The following CACNB2 variants were observed in gnomAD, a reference collection of about 807,000 sequenced individuals.
CACNB2 encodes calcium voltage-gated channel auxiliary subunit beta 2, also known as voltage-dependent L-type calcium channel subunit beta-2.
Under a neutral mutation model 73.3 loss-of-function variants are expected in CACNB2, and 42 were observed. The observed-to-expected ratio is 0.57, with a 90% CI of 0.45 to 0.74. The LOEUF (loss-of-function observed/expected upper bound fraction) is 0.74. Among genes scored for constraint, CACNB2 ranks in the 30% least tolerant of loss-of-function variants. The pLI is 0.00. For missense variants in CACNB2, 940 were observed against 853.0 expected (o/e 1.10, Z -1.27); for synonymous variants, 348 against 310.3 (o/e 1.12, Z -1.28).
At chr10:18,358,137 A>G (rs1451479327) in intron 2 of CACNB2, among the ~76,000 whole-genome samples, 1 of 152,228 alleles carries the variant, frequency 6.6e-6, no homozygotes, top group Non-Finnish European at 1.5e-5. Context: ...CCCAAGCTAG[A>G]GGGCAGTGGC....
At chr10:18,435,936 C>T (rs919123790) in intron 3 of CACNB2, among the ~76,000 whole-genome samples, 6 of 152,158 alleles carry the variant, frequency 3.9e-5, no homozygotes, top group African/African-American at 1.4e-4. Flanking sequence ...CTTTGGAGGG[C>T]CCAGAGCATC....
At chr10:18,481,247 T>A (rs1325083434) in intron 3 of CACNB2, among the ~76,000 whole-genome samples, 1 of 88,830 alleles carries the variant, frequency 1.1e-5, no homozygotes, top group South Asian at 4.5e-4. Context: ...TTTTTTTTTT[T>A]TTTTTTTTTT....
chr10:18,436,376 T>C (rs2046138361), intron 3 of CACNB2, among the ~76,000 whole-genome samples: 1 of 152,244 alleles, frequency 6.6e-6, no homozygotes, highest in Non-Finnish European at 1.5e-5. Context: ...AGTCTGTTCA[T>C]GGAGAACAAA....
intron 2 of CACNB2, among the ~76,000 whole-genome samples, chr10:18,383,080 A>G (rs1336665537): frequency 2.0e-5 from 3 of 152,160 alleles, no homozygotes; most frequent in African/African-American, 7.2e-5. Context: ...ATGTGACAAA[A>G]TCCATGGAAC....
intron 2 of CACNB2, among the ~76,000 whole-genome samples, chr10:18,362,888 G>A (rs1430960130): frequency 6.7e-6 from 1 of 150,180 alleles, no homozygotes; most frequent in Non-Finnish European, 1.5e-5. Context: ...CAGCGTGGGC[G>A]ACAGAGTGAA....
intron 3 of CACNB2, among the ~76,000 whole-genome samples, chr10:18,484,119 C>T (rs754340680): frequency 9.9e-5 from 15 of 152,140 alleles, no homozygotes; most frequent in Non-Finnish European, 2.1e-4. Context: ...CAAGGCCAGG[C>T]ACAGTGGCTC....
intron 5 of CACNB2, among the ~76,000 whole-genome samples, chr10:18,505,293 T>TA (rs2050429505): frequency 6.6e-6 from 1 of 151,666 alleles, no homozygotes; most frequent in South Asian, 2.1e-4. Context: ...GTCTTGGTAA[T>TA]AGGTCCTTGT....
chr10:18,150,880 T>TTTTTTTTTTTTTTTTTTTTTTTG lies in CACNB2; in HGVS notation c.121-3_121-2insTTTTTTTTTTTTTTTTTTTTTTG. The stretch of plus-strand genomic sequence containing the variant: ...CTTTTTTTTTTTTTTTTTTTTTTTT[T>TTTTTTTTTTTTTTTTTTTTTTTG]AGTCATATGGAAAAGGAGCCAGAAG... On this transcript the variant is annotated splice_polypyrimidine_tract_variant and splice_region_variant and intron_variant, in intron 1 of 13. Coordinates refer to ENST00000324631, the MANE Select transcript of CACNB2 (RefSeq NM_201596.3). 1 of 1,300,366 alleles carries TTTTTTTTTTTTTTTTTTTTTTTG rather than the reference T, an allele frequency of 7.7e-7. No individual in the cohort carries two copies. The highest frequency in any genetic ancestry group is 1.1e-6 in the Non-Finnish European group (1 of 943,298). The allele number at this position is 1,300,366 out of a possible 1,614,324, so 80.6% of individuals were successfully genotyped here.
intron 2 of CACNB2, among the ~76,000 whole-genome samples, chr10:18,178,771 G>T (rs1388430202): frequency 6.6e-6 from 1 of 152,204 alleles, no homozygotes; most frequent in Non-Finnish European, 1.5e-5. Context: ...TTGCCATGGG[G>T]ATGGAGACTG....
intron 9 of CACNB2, among the ~76,000 whole-genome samples, chr10:18,523,377 C>T (rs556685359): frequency 5.5e-4 from 84 of 152,344 alleles, no homozygotes; most frequent in African/African-American, 1.9e-3. Context: ...TTGGAAGACA[C>T]ATTCCAGCCA....
Position 18,540,706 on chromosome 10 carries a change from C to T in CACNB2, c.*982C>T, listed in dbSNP as rs912578259. 1.3e-5 allele frequency: 2 copies of T among 152,574 alleles called. No homozygotes were observed. Among genetic ancestry groups the T allele is most frequent in the Admixed American group, 6.5e-5 (1 of 15,270 alleles). 9.5% of individuals were successfully genotyped at this position (152,574 alleles called of 1,614,324 possible). ...GCACTGGAGTCTACGAGCCGGAACT[C>T]GCTATATGCACGTGTGTGTGTCCGT... On this transcript the variant is annotated 3_prime_UTR_variant, in exon 14 of 14. Coordinates refer to ENST00000324631, the MANE Select transcript of CACNB2 (RefSeq NM_201596.3).
Position 18,173,762 on chromosome 10 carries a change from T to A in CACNB2, c.213+22787T>A, listed in dbSNP as rs550210049. Among the ~76,000 whole-genome samples the A allele has an allele frequency of 4.4e-4, 67 of 152,322 alleles. 1 individual carries two copies. The South Asian group carries it at 0.013, about 30-fold the overall frequency. On this transcript the variant is annotated intron_variant, in intron 2 of 13. Coordinates refer to ENST00000324631, the MANE Select transcript of CACNB2 (RefSeq NM_201596.3). ...CCTAAAAGGCCCAGGACATTGTATG[T>A]TTTGTTGATATTAAGTTTGTATCTG...
intron 2 of CACNB2, among the ~76,000 whole-genome samples, chr10:18,273,728 A>T (rs891950686): frequency 6.6e-5 from 10 of 152,182 alleles, no homozygotes; most frequent in Admixed American, 5.9e-4. Flanking sequence ...TGGCAAAAAG[A>T]TTTTACTCAG....
rs766681274 is a variant in CACNB2 at position 18,539,213 on chromosome 10, G to T, written c.1489-17G>T. On this transcript the variant is annotated splice_polypyrimidine_tract_variant and intron_variant, in intron 13 of 13. Coordinates refer to ENST00000324631, the MANE Select transcript of CACNB2 (RefSeq NM_201596.3). The stretch of plus-strand genomic sequence containing the variant: ...ACTGACCTTGGTTAACGCCTGGTGT[G>T]CTCCTTTCGCTGCCAGGGTTCTCAA... The T allele has an allele frequency of 3.7e-6, 6 of 1,613,800 alleles. No homozygotes were observed. The African/African-American group carries it at 6.7e-5, about 18-fold the overall frequency.
At chr10:18,505,683 A>T (rs565244352) in intron 5 of CACNB2, among the ~76,000 whole-genome samples, 1 of 152,260 alleles carries the variant, frequency 6.6e-6, no homozygotes, top group South Asian at 2.1e-4. Flanking sequence ...CATCTGAGAG[A>T]GGGGTCATTC....
chr10:18,154,687 C>A (rs10828276), intron 2 of CACNB2, among the ~76,000 whole-genome samples: 10,582 of 152,210 alleles, frequency 0.07, 384 homozygotes, highest in South Asian at 0.089. Context: ...AGGCTGGTCT[C>A]AAACTCCTGA....
At chr10:18,409,031 ATT>A (rs112797625) in intron 3 of CACNB2, among the ~76,000 whole-genome samples, 1 of 151,510 alleles carries the variant, frequency 6.6e-6, no homozygotes, top group Admixed American at 6.6e-5. Flanking sequence ...ATTTTTTAAA[ATT>A]TTTTTTGTAA....
intron 3 of CACNB2, among the ~76,000 whole-genome samples, chr10:18,476,746 C>T (rs1335780818): frequency 6.6e-6 from 1 of 152,188 alleles, no homozygotes; most frequent in Non-Finnish European, 1.5e-5. Context: ...AGCATGGTAG[C>T]TTATGCCTGT....
intron 3 of CACNB2, among the ~76,000 whole-genome samples, chr10:18,492,585 C>T (rs904530394): frequency 2.3e-5 from 3 of 129,774 alleles, no homozygotes; most frequent in Non-Finnish European, 4.6e-5. Context: ...CGCACCACTT[C>T]ACTCCAGCCT....
Sources: gnomAD v4.1 joint callset for allele counts (sites outside exome capture counted in the v4.1 genomes callset) on GRCh38, gnomAD v4.1.1 for gene constraint, MANE v1.5 for transcripts, NCBI Gene and HGNC (gene_info 2026-07-23, HGNC 2026-07-21) for gene names.